Variants in CAMK1D observed in about 807,000 individuals in gnomAD.
CAMK1D encodes calcium/calmodulin dependent protein kinase ID.
A neutral mutation model predicts 47.7 loss-of-function variants in CAMK1D; 9 were observed. The ratio of observed to expected loss-of-function variants is 0.19; its 90% CI spans 0.11 to 0.33. CAMK1D has a LOEUF of 0.33. CAMK1D is among the 10% of genes least tolerant of loss of function. CAMK1D has a pLI of 1.00. For synonymous variants in CAMK1D, 184 were observed against 184.9 expected (o/e 0.99, Z 0.04); for missense variants, 291 against 488.7 (o/e 0.60, Z 3.81).
intron 1 of CAMK1D, among the ~76,000 whole-genome samples, chr10:12,449,963 A>C (rs1365380178): frequency 6.6e-6 from 1 of 152,138 alleles, no homozygotes; most frequent in Admixed American, 6.5e-5. Flanking sequence ...ACACCACTGT[A>C]CTCCAGCCTG....
chr10:12,538,202 T>C (rs1836041831), intron 1 of CAMK1D, among the ~76,000 whole-genome samples: 1 of 152,202 alleles, frequency 6.6e-6, no homozygotes, highest in Admixed American at 6.5e-5. Flanking sequence ...GGTATTTTTG[T>C]TTCAAAATCC....
intron 2 of CAMK1D, among the ~76,000 whole-genome samples, chr10:12,637,026 C>G (rs370984726): frequency 6.6e-6 from 1 of 152,098 alleles, no homozygotes; most frequent in East Asian, 1.9e-4. Context: ...GGCTGGAGTA[C>G]AGTGCCTTCA....
chr10:12,588,866 A>ATG (rs61703961), intron 2 of CAMK1D, among the ~76,000 whole-genome samples: 13,657 of 144,070 alleles, frequency 0.095, 690 homozygotes, highest in African/African-American at 0.15. Flanking sequence ...ATATGTATAT[A>ATG]TGTGTGTGTG....
At chr10:12,809,078 C>T (rs1336663267) in intron 6 of CAMK1D, among the ~76,000 whole-genome samples, 1 of 151,406 alleles carries the variant, frequency 6.6e-6, no homozygotes, top group Non-Finnish European at 1.5e-5. Flanking sequence ...GACTGAGCCA[C>T]TGCACTCTAG....
intron 3 of CAMK1D, among the ~76,000 whole-genome samples, chr10:12,759,185 C>G (rs1353507333): frequency 6.6e-6 from 1 of 152,166 alleles, no homozygotes; most frequent in African/African-American, 2.4e-5. Context: ...TCCGTCTCTA[C>G]TAAAAATACA....
At chr10:12,360,251 G>A (rs188721281) in intron 1 of CAMK1D, among the ~76,000 whole-genome samples, 3 of 152,270 alleles carry the variant, frequency 2.0e-5, no homozygotes, top group East Asian at 1.9e-4. Flanking sequence ...TAAAGGTATC[G>A]TATTAAATAA....
At chr10:12,787,543 T>C (rs1837784705) in intron 5 of CAMK1D, among the ~76,000 whole-genome samples, 1 of 152,208 alleles carries the variant, frequency 6.6e-6, no homozygotes, top group Admixed American at 6.5e-5. Flanking sequence ...TGGCCTTGTA[T>C]TCCTGCTGTC....
chr10:12,538,777 G>T (rs1235365684), intron 1 of CAMK1D, among the ~76,000 whole-genome samples: 3 of 151,734 alleles, frequency 2.0e-5, no homozygotes, highest in African/African-American at 7.3e-5. Context: ...TCCCCACTTG[G>T]TGGGGTCCCA....
chr10:12,605,477 C>A (rs1838430559), intron 2 of CAMK1D, among the ~76,000 whole-genome samples: 1 of 152,002 alleles, frequency 6.6e-6, no homozygotes, highest in South Asian at 2.1e-4. Flanking sequence ...AGCATTTAGC[C>A]CTGGCTGCCC....
intron 5 of CAMK1D, among the ~76,000 whole-genome samples, chr10:12,782,986 T>TGTTTTTTTTG (rs1198625517): frequency 2.3e-5 from 3 of 133,212 alleles, no homozygotes; most frequent in Non-Finnish European, 3.2e-5. Flanking sequence ...TTTCAGTTTT[T>TGTTTTTTTTG]TTTTTTTTTG....
At chr10:12,729,976 C>G (rs1834819385) in intron 3 of CAMK1D, among the ~76,000 whole-genome samples, 1 of 152,154 alleles carries the variant, frequency 6.6e-6, no homozygotes, top group South Asian at 2.1e-4. Flanking sequence ...GGACTTTGGG[C>G]TGACTCTGAG....
intron 2 of CAMK1D, among the ~76,000 whole-genome samples, chr10:12,555,570 G>T (rs1441995330): frequency 6.6e-6 from 1 of 152,200 alleles, no homozygotes; most frequent in African/African-American, 2.4e-5. Context: ...AGGAAAACAC[G>T]ATGTTAATGA....
chr10:12,755,525 G>A (rs548043061), intron 3 of CAMK1D, among the ~76,000 whole-genome samples: 26 of 152,244 alleles, frequency 1.7e-4, no homozygotes, highest in African/African-American at 6.0e-4. Context: ...CCAGTAATGG[G>A]GTTGCTGGGT....
At chr10:12,761,763 G>A (rs1836518779) in intron 4 of CAMK1D, among the ~76,000 whole-genome samples, 1 of 152,196 alleles carries the variant, frequency 6.6e-6, no homozygotes, top group African/African-American at 2.4e-5. Context: ...GCGCGTGCCT[G>A]TAGTCCCAGC....
chr10:12,457,263 T>G (rs568924011), intron 1 of CAMK1D, among the ~76,000 whole-genome samples: 1 of 151,904 alleles, frequency 6.6e-6, no homozygotes, highest in East Asian at 1.9e-4. Flanking sequence ...TGGTGGCACG[T>G]GCCTGTAATC....
chr10:12,522,566 G>A (rs1050252376), intron 1 of CAMK1D, among the ~76,000 whole-genome samples: 2 of 152,038 alleles, frequency 1.3e-5, no homozygotes, highest in Non-Finnish European at 2.9e-5. Flanking sequence ...TCTTAGTACA[G>A]AACAAAATGA....
chr10:12,627,791 A>G (rs1408422610), intron 2 of CAMK1D, among the ~76,000 whole-genome samples: 1 of 152,240 alleles, frequency 6.6e-6, no homozygotes, highest in African/African-American at 2.4e-5. Flanking sequence ...GAACACAGAA[A>G]AAAACAAGGC....
chr10:12,552,642 G>A (rs1836622489), intron 1 of CAMK1D, among the ~76,000 whole-genome samples: 1 of 152,238 alleles, frequency 6.6e-6, no homozygotes, highest in Admixed American at 6.5e-5. Context: ...TGTGTGGCAA[G>A]TGGTACCGGG....
chr10:12,383,846 G>A lies in CAMK1D; in HGVS notation c.92+33936G>A, dbSNP rs142027799. Among the ~76,000 whole-genome samples the A allele has an allele frequency of 7.9e-3, 1,197 of 152,244 alleles. 11 individuals carry two copies. Among genetic ancestry groups the A allele is most frequent in the Non-Finnish European group, 0.013 (852 of 67,992 alleles). On this transcript the variant is annotated intron_variant, in intron 1 of 10. Coordinates refer to ENST00000619168, the MANE Select transcript of CAMK1D (RefSeq NM_153498.4). The stretch of plus-strand genomic sequence containing the variant: ...CACCACCCCCATTCAACTTTGTAGT[G>A]GAGGTTCTAGCCAGCGTAGTTAGAA...
Sources: gnomAD v4.1 joint callset for allele counts (sites outside exome capture counted in the v4.1 genomes callset) on GRCh38, gnomAD v4.1.1 for gene constraint, MANE v1.5 for transcripts, NCBI Gene and HGNC (gene_info 2026-07-23, HGNC 2026-07-21) for gene names.